The following FYN variants were observed in gnomAD, a reference collection of about 807,000 sequenced individuals.
FYN encodes the protein FYN proto-oncogene, Src family tyrosine kinase.
In FYN, 10 loss-of-function variants were observed where a neutral mutation model predicts 70.2. The ratio of observed to expected loss-of-function variants is 0.14; its 90% confidence interval spans 0.09 to 0.24. The LOEUF (loss-of-function observed/expected upper bound fraction) is 0.24. Ranked by LOEUF, FYN falls within the 10% of genes least tolerant of loss-of-function variation. The probability of loss-of-function intolerance (pLI) is 1.00; values close to 1 mark genes in which losing one functional copy is unlikely to be tolerated. For missense variants in FYN, 319 were observed against 673.1 expected, an observed-to-expected ratio of 0.47 and a Z score of 5.82; for synonymous variants, 236 against 248.6, an observed-to-expected ratio of 0.95 and a Z score of 0.48.
chr6:111,743,463 G>A lies in FYN; in HGVS notation c.-11-23401C>T, dbSNP rs555081742. Among the ~76,000 whole-genome samples, 25 of 152,248 alleles carry A rather than the reference G, an allele frequency of 1.6e-4. 1 individual carries two copies. Among genetic ancestry groups the A allele is most frequent in the Admixed American group, 1.4e-3 (21 of 15,300 alleles). ...ATGAAATACTTTGAGTAATTCTGGC[G>A]ACCGCATCAGAGAAATGAGGGATTC... is the stretch of plus-strand genomic sequence containing the variant. On this transcript the variant is annotated intron_variant, in intron 3 of 13. Coordinates refer to ENST00000354650, the MANE Select transcript of FYN (RefSeq NM_002037.5).
At chr6:111,706,690 A>C (rs1244479766) in intron 6 of FYN, among the ~76,000 whole-genome samples, 2 of 152,386 alleles carry the variant, frequency 1.3e-5, no homozygotes, top group East Asian at 3.9e-4. Flanking sequence ...TTTAAAAAAT[A>C]ATATTCTTTA....
At chr6:111,748,388 G>A (rs1193122186) in intron 3 of FYN, among the ~76,000 whole-genome samples, 1 of 152,186 alleles carries the variant, frequency 6.6e-6, no homozygotes, top group Non-Finnish European at 1.5e-5. Context: ...ACAGAATGAC[G>A]CTATCTTAGC....
At chr6:111,763,560 C>T (rs909844162) in intron 3 of FYN, among the ~76,000 whole-genome samples, 2 of 152,086 alleles carry the variant, frequency 1.3e-5, no homozygotes, top group Non-Finnish European at 2.9e-5. Context: ...TGGAAACCTT[C>T]CAACATTTTA....
chr6:111,755,681 C>T (rs1802699819), intron 3 of FYN, among the ~76,000 whole-genome samples: 1 of 152,096 alleles, frequency 6.6e-6, no homozygotes, highest in Non-Finnish European at 1.5e-5. Flanking sequence ...ATTCCCAGAC[C>T]ACAACAGATT....
intron 3 of FYN, among the ~76,000 whole-genome samples, chr6:111,745,112 A>ATGAG (rs1358643549): frequency 1.3e-5 from 2 of 152,288 alleles, no homozygotes; most frequent in Admixed American, 6.5e-5. Flanking sequence ...TGTTGAATGA[A>ATGAG]TGAGTGAGTG....
rs117778797 is a variant in FYN at position 111,794,720 on chromosome 6, C to T, written c.-81-14085G>A. Among the ~76,000 whole-genome samples, 1,092 of 152,334 alleles carry T rather than the reference C, an allele frequency of 7.2e-3. 3 individuals are homozygous for T. The highest frequency in any genetic ancestry group is 0.011 in the Admixed American group (172 of 15,302). On this transcript the variant is annotated intron_variant, in intron 2 of 13. Transcript: ENST00000354650. ...TTATTGGAACACAGCCATACCCACT[C>T]GTTTCCATATTGTCTATGGCTGCTT...
At chr6:111,676,890 A>T (rs1045655893) in intron 12 of FYN, among the ~76,000 whole-genome samples, 7 of 152,170 alleles carry the variant, frequency 4.6e-5, no homozygotes, top group African/African-American at 1.7e-4. Flanking sequence ...TTTCCAAGGG[A>T]TTTCATAATT....
intron 13 of FYN, among the ~76,000 whole-genome samples, chr6:111,670,737 A>C (rs1798227414): frequency 8.1e-6 from 1 of 123,148 alleles, no homozygotes; most frequent in Non-Finnish European, 1.6e-5. Flanking sequence ...TAGAATACTA[A>C]CTCTGTTGGC....
At chr6:111,740,623 T>C (rs1801919488) in intron 3 of FYN, among the ~76,000 whole-genome samples, 1 of 152,216 alleles carries the variant, frequency 6.6e-6, no homozygotes, top group Non-Finnish European at 1.5e-5. Context: ...GATATGGTCA[T>C]CCTGCTCTGG....
At chr6:111,851,526 C>T (rs1345057192) in intron 1 of FYN, among the ~76,000 whole-genome samples, 1 of 152,202 alleles carries the variant, frequency 6.6e-6, no homozygotes, top group Non-Finnish European at 1.5e-5. Context: ...GAAGCACTAA[C>T]TGCACGGTCT....
intron 3 of FYN, among the ~76,000 whole-genome samples, chr6:111,749,557 G>A (rs1215760623): frequency 6.6e-6 from 1 of 152,178 alleles, no homozygotes; most frequent in Non-Finnish European, 1.5e-5. Flanking sequence ...GAGGGAGGGA[G>A]AACAGAACCT....
intron 3 of FYN, among the ~76,000 whole-genome samples, chr6:111,729,984 T>C (rs1422645926): frequency 6.6e-6 from 1 of 152,248 alleles, no homozygotes; most frequent in African/African-American, 2.4e-5. Flanking sequence ...ATTGAATTTG[T>C]ATGTAAGTTG....
chr6:111,871,743 A>G (rs894086042), intron 1 of FYN, among the ~76,000 whole-genome samples: 2 of 152,212 alleles, frequency 1.3e-5, no homozygotes, highest in Non-Finnish European at 2.9e-5. Flanking sequence ...CCAAAAGGAC[A>G]GGGGAAAGAA....
chr6:111,786,491 G>A (rs1025671065), intron 2 of FYN, among the ~76,000 whole-genome samples: 13 of 152,160 alleles, frequency 8.5e-5, no homozygotes, highest in South Asian at 2.1e-4. Context: ...CCAACTCTTT[G>A]CTATTGTGAA....
chr6:111,695,886 G>A (rs1177568225), intron 10 of FYN, among the ~76,000 whole-genome samples: 1 of 152,158 alleles, frequency 6.6e-6, no homozygotes, highest in Non-Finnish European at 1.5e-5. Flanking sequence ...ACTTAGCTTA[G>A]AGACCAGTGT....
intron 2 of FYN, among the ~76,000 whole-genome samples, chr6:111,832,380 A>C (rs11970757): frequency 0.062 from 9,391 of 152,224 alleles, 398 homozygotes; most frequent in East Asian, 0.13. Context: ...TTGTCTATTG[A>C]CCTTCTATCC....
chr6:111,700,057 C>T (rs1562478844), intron 9 of FYN, 47 bp downstream of exon 9: 5 of 1,561,242 alleles, frequency 3.2e-6, no homozygotes, highest in Middle Eastern at 1.7e-4. Context: ...TGTTTGGGAT[C>T]TTCCAAACGG....
intron 13 of FYN, among the ~76,000 whole-genome samples, chr6:111,668,277 G>A (rs561012590): frequency 6.6e-6 from 1 of 152,334 alleles, no homozygotes; most frequent in East Asian, 1.9e-4. Flanking sequence ...GGGAGATGCT[G>A]ATGGAAGAGT....
intron 2 of FYN, among the ~76,000 whole-genome samples, chr6:111,806,027 G>A (rs1340176824): frequency 1.3e-5 from 2 of 152,168 alleles, no homozygotes; most frequent in African/African-American, 2.4e-5. Flanking sequence ...AAAAAGGAAC[G>A]GGGAAGTGGG....
Sources: gnomAD v4.1 joint callset for allele counts (sites outside exome capture counted in the v4.1 genomes callset) on GRCh38, gnomAD v4.1.1 for gene constraint, MANE v1.5 for transcripts, NCBI Gene and HGNC (gene_info 2026-07-23, HGNC 2026-07-21) for gene names.